RELN: variants seen among roughly 807,000 people sequenced by gnomAD.
The protein encoded by RELN is reelin.
Under a neutral mutation model 427.6 loss-of-function variants are expected in RELN, and 108 were observed. That is an observed-to-expected ratio of 0.25 (90% CI 0.22 to 0.30). The LOEUF is 0.30. RELN is among the 10% of genes least tolerant of loss of function. The probability of loss-of-function intolerance (pLI) is 1.00; values close to 1 mark genes in which losing one functional copy is unlikely to be tolerated. For missense variants in RELN, 3,715 were observed against 4,302.8 expected (o/e 0.86, Z 3.82); for synonymous variants, 1,524 against 1,513.4 (o/e 1.01, Z -0.16).
chr7:103,860,589 A>T (rs1185854252), intron 2 of RELN, among the ~76,000 whole-genome samples: 2 of 152,154 alleles, frequency 1.3e-5, no homozygotes, highest in African/African-American at 2.4e-5. Flanking sequence ...TAGCAGCAGC[A>T]GTATGGCAGA....
At chr7:103,635,927 C>A (rs1832570259) in intron 18 of RELN, among the ~76,000 whole-genome samples, 1 of 152,150 alleles carries the variant, frequency 6.6e-6, no homozygotes, top group South Asian at 2.1e-4. Context: ...TAATCAGCCT[C>A]CTCAAGCTGT....
rs138040285 is a variant in RELN, at chr7:103,781,001, C to T, written c.474-4374G>A. Among the ~76,000 whole-genome samples the T allele has an allele frequency of 5.2e-3, 797 of 152,320 alleles. 3 individuals carry two copies. The highest frequency in any genetic ancestry group is 0.018 in the African/African-American group (740 of 41,578). On this transcript the variant is annotated intron_variant, in intron 3 of 64. Coordinates refer to ENST00000428762, the MANE Select transcript of RELN (RefSeq NM_005045.4). Reference sequence around the variant, plus strand: ...ACACACATGTGTGCTGACAGATAAACATCACTTGCATCACTTTCTTTCCAA... The same window carrying T: ...ACACACATGTGTGCTGACAGATAAATATCACTTGCATCACTTTCTTTCCAA...
intron 46 of RELN, among the ~76,000 whole-genome samples, chr7:103,533,100 C>T (rs1562875456): frequency 2.0e-5 from 3 of 152,170 alleles, no homozygotes; most frequent in Non-Finnish European, 4.4e-5. Flanking sequence ...AATTTGTGAC[C>T]AGCCAACCTC....
intron 1 of RELN, among the ~76,000 whole-genome samples, chr7:103,974,743 A>T (rs148556226): frequency 5.6e-4 from 85 of 152,280 alleles, no homozygotes; most frequent in African/African-American, 2.0e-3. Flanking sequence ...CTATAAGGTT[A>T]TTACATATCT....
chr7:103,883,017 T>C (rs6958221), intron 2 of RELN, among the ~76,000 whole-genome samples: 118,957 of 152,124 alleles, frequency 0.78, 46,567 homozygotes, highest in East Asian at 0.87. Context: ...CCCTGATGAA[T>C]ATTGATGCAA....
At chr7:103,516,576 C>T (rs890258927) in intron 49 of RELN, among the ~76,000 whole-genome samples, 2 of 152,134 alleles carry the variant, frequency 1.3e-5, no homozygotes, top group Non-Finnish European at 2.9e-5. Flanking sequence ...GCATGAGCCA[C>T]CATGCCCAGC....
At position 103,791,567 on chromosome 7, in the gene RELN, TA is replaced by T. The variant is rs34885970; in HGVS notation, c.474-14941del. Among the ~76,000 whole-genome samples the T allele has an allele frequency of 6.4e-3, 971 of 152,208 alleles. 11 individuals are homozygous for T. The highest frequency in any genetic ancestry group is 0.022 in the African/African-American group (904 of 41,532). ...GAGGTTAGACCTCTACCTCACACCA[TA>T]TACAAAAATTAACAAAATGGATCAT... On this transcript the variant is annotated intron_variant, in intron 3 of 64. Coordinates refer to ENST00000428762, the MANE Select transcript of RELN (RefSeq NM_005045.4).
chr7:103,843,281 T>C (rs1444531220), intron 2 of RELN, among the ~76,000 whole-genome samples: 1 of 152,054 alleles, frequency 6.6e-6, no homozygotes, highest in Non-Finnish European at 1.5e-5. Context: ...CACAGCTCAC[T>C]GCAGCCTCAA....
chr7:103,796,847 C>G (rs1792310032), intron 3 of RELN, among the ~76,000 whole-genome samples: 1 of 116,368 alleles, frequency 8.6e-6, no homozygotes, highest in African/African-American at 3.4e-5. Flanking sequence ...GCCCAGGCAA[C>G]AGGGCAAGAG....
chr7:103,728,034 C>T (rs1790257056), intron 7 of RELN, 77 bp downstream of exon 7: 1 of 1,347,336 alleles, frequency 7.4e-7, no homozygotes, highest in South Asian at 1.2e-5. Flanking sequence ...ACTTTAAGAG[C>T]ATAAGAAAAA....
chr7:103,486,936 A>G (rs1828462145), intron 60 of RELN, among the ~76,000 whole-genome samples: 1 of 152,230 alleles, frequency 6.6e-6, no homozygotes, highest in East Asian at 1.9e-4. Context: ...AAATCATTCT[A>G]CGCTAAAGAC....
At chr7:103,625,979 G>A (rs1012888546) in intron 20 of RELN, among the ~76,000 whole-genome samples, 3 of 152,058 alleles carry the variant, frequency 2.0e-5, no homozygotes, top group African/African-American at 7.2e-5. Context: ...GGTTAGAGTT[G>A]GAGTAAGGGT....
chr7:103,871,963 C>A (rs963508548), intron 2 of RELN, among the ~76,000 whole-genome samples: 1 of 150,344 alleles, frequency 6.7e-6, no homozygotes, highest in Non-Finnish European at 1.5e-5. Context: ...AGATATAATG[C>A]TAATTATTCA....
chr7:103,785,240 G>T (rs2116246421), intron 3 of RELN, among the ~76,000 whole-genome samples: 1 of 152,164 alleles, frequency 6.6e-6, no homozygotes, highest in African/African-American at 2.4e-5. Context: ...AAAATTATTT[G>T]AGAGGCTCTG....
At chr7:103,565,105 A>G (rs540632907) in intron 34 of RELN, among the ~76,000 whole-genome samples, 173 bp downstream of exon 34, 3 of 152,208 alleles carry the variant, frequency 2.0e-5, no homozygotes, top group Non-Finnish European at 4.4e-5. Flanking sequence ...GGTGCTCTCT[A>G]GCCACATTTA....
intron 16 of RELN, among the ~76,000 whole-genome samples, chr7:103,646,348 G>C (rs1299871007): frequency 6.6e-6 from 1 of 151,596 alleles, no homozygotes; most frequent in East Asian, 1.9e-4. Context: ...TCTTTTAAAA[G>C]GTGAACCAAG....
intron 4 of RELN, among the ~76,000 whole-genome samples, chr7:103,772,822 A>G (rs567713595): frequency 1.3e-5 from 2 of 152,200 alleles, no homozygotes; most frequent in Non-Finnish European, 2.9e-5. Context: ...GCCAGATTGT[A>G]AGGGATTTTC....
intron 63 of RELN, among the ~76,000 whole-genome samples, chr7:103,482,472 T>C (rs936726462): frequency 1.3e-5 from 2 of 152,230 alleles, no homozygotes; most frequent in African/African-American, 4.8e-5. Flanking sequence ...ATGTCTGTAA[T>C]TGGGCACATT....
intron 4 of RELN, among the ~76,000 whole-genome samples, chr7:103,770,843 C>G (rs1389745867): frequency 6.6e-6 from 1 of 150,872 alleles, no homozygotes; most frequent in East Asian, 2.0e-4. Context: ...TTCCATGCTA[C>G]AAAGCTGCCT....
Sources: allele counts gnomAD v4.1 joint callset (sites outside exome capture counted in the v4.1 genomes callset), GRCh38; gene constraint gnomAD v4.1.1; transcripts MANE v1.5; gene names NCBI Gene and HGNC (gene_info 2026-07-23, HGNC 2026-07-21).